SYNM: variants seen among roughly 807,000 people sequenced by gnomAD.
SYNM encodes desmuslin.
In SYNM, 95 loss-of-function variants were observed where a neutral mutation model predicts 104.0. That is an observed-to-expected ratio of 0.91 (90% CI 0.77 to 1.08). The LOEUF (loss-of-function observed/expected upper bound fraction) is 1.08, where lower values mean the gene tolerates loss of function less well. Ranked by LOEUF, SYNM falls within the 50% of genes least tolerant of loss-of-function variation. The pLI is 0.00. For missense variants in SYNM, 2,150 were observed against 2,052.2 expected, an observed-to-expected ratio of 1.05 and a Z score of -0.92; for synonymous variants, 918 against 869.0, an observed-to-expected ratio of 1.06 and a Z score of -0.99.
chr15:99,118,431 C>G (rs2067370257), intron 2 of SYNM, among the ~76,000 whole-genome samples: 1 of 152,200 alleles, frequency 6.6e-6, no homozygotes, highest in Non-Finnish European at 1.5e-5. Flanking sequence ...CCCAGAATTG[C>G]TGAGTTGACT....
rs781802688 is a variant in SYNM, at chr15:99,132,360, G to A, written c.4000G>A (p.Gly1334Arg). The change falls in exon 4 of 4, where the codon GGG becomes AGG. Residue 1334 changes from glycine (G) to arginine (R), a missense_variant. Transcript: ENST00000336292. ...IVYHGLVPQL[G>R]ESGDSESTVH... ...TTACCATGGGCTGGTTCCCCAACTGGGGGAATCTGGTGACTCAGAGAGCAC... is the reference window on the plus strand; with the variant it reads ...TTACCATGGGCTGGTTCCCCAACTGAGGGAATCTGGTGACTCAGAGAGCAC... 1.2e-6 allele frequency: 2 copies of A among 1,613,896 alleles called. No individual in the cohort carries two copies. The highest frequency in any genetic ancestry group is 2.2e-5 in the South Asian group (2 of 91,078).
chr15:99,130,549 T>C lies in SYNM; in HGVS notation c.2189T>C (p.Ile730Thr), dbSNP rs1555485625. Residue 730 changes from isoleucine (I) to threonine (T), a missense_variant, in exon 4 of 4, where the codon ATC (isoleucine) becomes ACC (threonine). Coordinates refer to ENST00000336292, the MANE Select transcript of SYNM (RefSeq NM_145728.3). ...KSAEQMIGDI[I>T]NLGLKGREGR... is the part of the protein sequence containing the mutation. The stretch of plus-strand genomic sequence containing the variant: ...GCCGAGCAGATGATAGGAGACATCA[T>C]CAACCTCGGCCTGAAAGGGAGGGAG... 4.3e-6 allele frequency: 7 copies of C among 1,613,806 alleles called. No homozygotes were observed. Among genetic ancestry groups the C allele is most frequent in the Middle Eastern group, 3.3e-4 (2 of 6,062 alleles).
downstream of SYNM, chr15:99,138,165 C>A (rs1228754772): frequency 6.2e-7 from 1 of 1,607,336 alleles, no homozygotes; most frequent in Admixed American, 1.7e-5. Context: ...TGTGGTGCCC[C>A]TCAGCCCCCC....
At position 99,105,517 on chromosome 15, in the gene SYNM, C is replaced by A; in HGVS notation, c.318C>A (p.Arg106=). 1 of 1,262,962 alleles carries A rather than the reference C, an allele frequency of 7.9e-7. No homozygotes were observed. The highest frequency in any genetic ancestry group is 2.7e-5 in the South Asian group (1 of 37,368). 78.2% of individuals were successfully genotyped at this position (1,262,962 alleles called of 1,614,324 possible). A position where few individuals can be genotyped will look rare whatever the true frequency, so the allele number is the denominator to read the frequency against. The change falls in exon 1 of 4, where the codon CGC becomes CGA. Residue 106 remains arginine, a synonymous_variant. Coordinates refer to ENST00000336292, the MANE Select transcript of SYNM (RefSeq NM_145728.3). ...TGGATGCGGAGGAGCGCGCCGCCCG[C>A]GGCCGCCTGGACGCCGAGCTGGGTG... ...QRLDAEERAA[R]GRLDAELGAQ... is the part of the protein sequence containing the mutation.
chr15:99,111,869 A>AC (rs1323342470), intron 1 of SYNM, among the ~76,000 whole-genome samples: 1 of 152,174 alleles, frequency 6.6e-6, no homozygotes, highest in African/African-American at 2.4e-5. Flanking sequence ...ACGTGGTGAA[A>AC]CCCCGTCTCT....
Position 99,105,664 on chromosome 15 carries a change from G to C in SYNM, c.465G>C (p.Leu155=). The C allele has an allele frequency of 1.5e-6, 2 of 1,330,404 alleles. No homozygotes were observed. The highest frequency in any genetic ancestry group is 2.0e-6 in the Non-Finnish European group (2 of 1,024,364). The allele number at this position is 1,330,404 out of a possible 1,614,324, so 82.4% of individuals were successfully genotyped here. A position where few individuals can be genotyped will look rare whatever the true frequency, so the allele number is the denominator to read the frequency against. The part of the protein sequence containing the change: ...DAAHERDVRE[L]RARAASLTMH... ...CCCACGAACGCGACGTGAGGGAGCT[G>C]CGCGCGCGCGCCGCCAGCCTTACCA... Residue 155 remains leucine, a synonymous_variant, in exon 1 of 4, where the codon CTG becomes CTC. Transcript: ENST00000336292.
Position 99,105,312 on chromosome 15 carries a change from T to A in SYNM, c.113T>A (p.Leu38His). ...CGGGAGCTGGAGCGCGAAAACCTACTCCTGGAGGAGGAGCTGCGCGGCCGG... is the reference window on the plus strand; with the variant it reads ...CGGGAGCTGGAGCGCGAAAACCTACACCTGGAGGAGGAGCTGCGCGGCCGG... Reference protein sequence around the residue: ...RVRELERENLLLEEELRGRRG... With the variant: ...RVRELERENLHLEEELRGRRG... Residue 38 changes from leucine (L) to histidine (H), a missense_variant, in exon 1 of 4, where the codon CTC becomes CAC. Transcript: ENST00000336292. 2 of 1,546,116 alleles carry A rather than the reference T, an allele frequency of 1.3e-6. No homozygotes were observed. Among genetic ancestry groups the A allele is most frequent in the Non-Finnish European group, 1.7e-6 (2 of 1,146,886 alleles).
Position 99,133,175 on chromosome 15 carries a change from T to C in SYNM, c.*117T>C. On this transcript the variant is annotated 3_prime_UTR_variant, in exon 4 of 4. Coordinates refer to ENST00000336292, the MANE Select transcript of SYNM (RefSeq NM_145728.3). The stretch of plus-strand genomic sequence containing the variant: ...TGAAAATCTCCCCTTTTTTACTTTT[T>C]TAAAGAGTACTCCCGGCATGGTCAA... The C allele has an allele frequency of 6.7e-7, 1 of 1,498,170 alleles. No individual in the cohort carries two copies. Among genetic ancestry groups the C allele is most frequent in the Non-Finnish European group, 8.8e-7 (1 of 1,131,616 alleles). 92.8% of individuals were successfully genotyped at this position (1,498,170 alleles called of 1,614,324 possible).
At chr15:99,106,440 C>T (rs2067244827) in intron 1 of SYNM, among the ~76,000 whole-genome samples, 1 of 152,204 alleles carries the variant, frequency 6.6e-6, no homozygotes, top group Non-Finnish European at 1.5e-5. Flanking sequence ...CTATAGCGCT[C>T]CTCAGGGGAA....
chr15:99,136,057 A>C (rs1382596300), downstream of SYNM, among the ~76,000 whole-genome samples: 2 of 152,194 alleles, frequency 1.3e-5, no homozygotes, highest in Non-Finnish European at 2.9e-5. Context: ...GCTTGAAAAA[A>C]CTGAGGTAGT....
Position 99,130,980 on chromosome 15 carries a change from CGAAGGAGGACACA to C in SYNM, c.2627_2639del (p.Arg876ThrfsTer9). 1 of 1,613,656 alleles carries C rather than the reference CGAAGGAGGACACA, an allele frequency of 6.2e-7. No individual in the cohort carries two copies. Among genetic ancestry groups the C allele is most frequent in the Non-Finnish European group, 8.5e-7 (1 of 1,179,784 alleles). ...GCAGGATGAAATCGTGCAGGGGACT[CGAAGGAGGACACA>C]GAAGGACGGTGCAGTGGGCGAGAAG... On this transcript the variant is annotated frameshift_variant, in exon 4 of 4. Coordinates refer to ENST00000336292, the MANE Select transcript of SYNM (RefSeq NM_145728.3). LOFTEE classifies it high-confidence loss of function.
At chr15:99,125,865 G>A (rs1555484954) in intron 2 of SYNM, among the ~76,000 whole-genome samples, 1 of 152,240 alleles carries the variant, frequency 6.6e-6, no homozygotes, top group Non-Finnish European at 1.5e-5. Context: ...CTGGCTGACA[G>A]GCATCCCGGT....
Position 99,133,176 on chromosome 15 carries a change from T to C in SYNM, c.*118T>C. On this transcript the variant is annotated 3_prime_UTR_variant, in exon 4 of 4. Transcript: ENST00000336292. Reference sequence around the variant, plus strand: ...GAAAATCTCCCCTTTTTTACTTTTTTAAAGAGTACTCCCGGCATGGTCAAT... The same window carrying C: ...GAAAATCTCCCCTTTTTTACTTTTTCAAAGAGTACTCCCGGCATGGTCAAT... 2 of 1,495,106 alleles carry C rather than the reference T, an allele frequency of 1.3e-6. No individual in the cohort carries two copies. Among genetic ancestry groups the C allele is most frequent in the Non-Finnish European group, 1.8e-6 (2 of 1,129,684 alleles). 92.6% of individuals were successfully genotyped at this position (1,495,106 alleles called of 1,614,324 possible). A position where few individuals can be genotyped will look rare whatever the true frequency, so the allele number is the denominator to read the frequency against.
At chr15:99,125,668 G>A (rs1214373024) in intron 2 of SYNM, among the ~76,000 whole-genome samples, 3 of 152,254 alleles carry the variant, frequency 2.0e-5, no homozygotes, top group Non-Finnish European at 4.4e-5. Flanking sequence ...TGGGCACCCT[G>A]CTCCGTTTTT....
At chr15:99,127,880 G>A (rs2067461835) in intron 3 of SYNM, among the ~76,000 whole-genome samples, 1 of 152,078 alleles carries the variant, frequency 6.6e-6, no homozygotes, top group African/African-American at 2.4e-5. Flanking sequence ...GAAGAAAAGG[G>A]CCCAGGAGCT....
At chr15:99,109,905 C>T (rs1321032931) in intron 1 of SYNM, among the ~76,000 whole-genome samples, 1 of 152,022 alleles carries the variant, frequency 6.6e-6, no homozygotes, top group Non-Finnish European at 1.5e-5. Context: ...CTTTGAGTGC[C>T]ATGGGAAGCC....
At chr15:99,118,467 C>T (rs1395457032) in intron 2 of SYNM, among the ~76,000 whole-genome samples, 1 of 152,266 alleles carries the variant, frequency 6.6e-6, no homozygotes, top group African/African-American at 2.4e-5. Context: ...CTTATTGGTT[C>T]TCATTCACAT....
At position 99,116,575 on chromosome 15, in the gene SYNM, G is replaced by A. The variant is rs554578653; in HGVS notation, c.935+2860G>A. 1.4e-5 allele frequency among the ~76,000 whole-genome samples: 2 copies of A among 144,046 alleles called. 1 individual carries two copies. Among genetic ancestry groups the A allele is most frequent in the East Asian group, 4.5e-4 (2 of 4,456 alleles). 94.5% of individuals were successfully genotyped at this position (144,046 alleles called of 152,430 possible). ...GGTGCTGGCATCTGCTCCTGGTGAAGCCTCAGGAAGCATACAGTCATGGTG... is the reference window on the plus strand; with the variant it reads ...GGTGCTGGCATCTGCTCCTGGTGAAACCTCAGGAAGCATACAGTCATGGTG... On this transcript the variant is annotated intron_variant, in intron 2 of 3. Transcript: ENST00000336292.
intron 2 of SYNM, among the ~76,000 whole-genome samples, chr15:99,120,079 T>G (rs12439693): frequency 6.6e-6 from 1 of 152,104 alleles, no homozygotes; most frequent in East Asian, 1.9e-4. Context: ...TTTTTCCATG[T>G]GATGACACCC....
Sources: allele counts gnomAD v4.1 joint callset (sites outside exome capture counted in the v4.1 genomes callset), GRCh38; gene constraint gnomAD v4.1.1; transcripts MANE v1.5; gene names NCBI Gene and HGNC (gene_info 2026-07-23, HGNC 2026-07-21).